The following RBBP7 variants were observed in gnomAD, a reference collection of about 807,000 sequenced individuals.
The protein encoded by RBBP7 is histone-binding protein RBBP7.
A neutral mutation model predicts 35.2 loss-of-function variants in RBBP7; 5 were observed. That is an observed-to-expected ratio of 0.14 (90% CI 0.07 to 0.30). The LOEUF (loss-of-function observed/expected upper bound fraction) is 0.30. RBBP7 is among the 10% of genes least tolerant of loss of function. The probability of loss-of-function intolerance (pLI) is 1.00; values close to 1 mark genes in which losing one functional copy is unlikely to be tolerated. For synonymous variants in RBBP7, 140 were observed against 118.7 expected (o/e 1.18, Z -1.17); for missense variants, 155 against 327.5 (o/e 0.47, Z 4.07).
chrX:16,847,545 G>A (rs1930111062), intron 10 of RBBP7: 1 of 109,423 alleles, frequency 9.1e-6, no homozygotes, highest in Admixed American at 9.8e-5. Context: ...CATACTGGTG[G>A]AATAGTTTAC....
At chrX:16,849,088 A>T in intron 10 of RBBP7, 156 bp downstream of exon 10, 1 of 400,525 alleles carries the variant, frequency 2.5e-6, no homozygotes, top group Non-Finnish European at 4.2e-6. Context: ...TATTTTTGAT[A>T]AATGTCAAAG....
chrX:16,859,714 A>T lies in RBBP7; in HGVS notation c.308-865T>A, dbSNP rs143959921. 6.6e-3 allele frequency among the ~76,000 whole-genome samples: 736 copies of T among 112,015 alleles called. 2 individuals carry two copies. Among genetic ancestry groups the T allele is most frequent in the Non-Finnish European group, 0.011 (565 of 53,230 alleles). ...GACCTATATTGCCTTTTCTTTGCAC[A>T]TTCCATTTTAGCTCACCCTGTGTCT... is the stretch of plus-strand genomic sequence containing the variant. On this transcript the variant is annotated intron_variant, in intron 3 of 11. Transcript: ENST00000380087.
intron 1 of RBBP7, chrX:16,869,606 G>T (rs1413251445): frequency 1.7e-6 from 2 of 1,163,967 alleles, no homozygotes; most frequent in East Asian, 3.3e-5. Flanking sequence ...CATCAGGGGA[G>T]GCCCCAGCTC....
chrX:16,855,111 A>G (rs1930318281), intron 5 of RBBP7, among the ~76,000 whole-genome samples: 1 of 106,650 alleles, frequency 9.4e-6, no homozygotes, highest in African/African-American at 3.4e-5. Context: ...ATGCAAGGGC[A>G]CAATTTTGGC....
At chrX:16,847,316 C>A (rs909040994) in intron 10 of RBBP7, 1 of 108,110 alleles carries the variant, frequency 9.2e-6, no homozygotes, top group Non-Finnish European at 1.9e-5. Flanking sequence ...ACTAAAAATA[C>A]AAAAATTAGC....
intron 9 of RBBP7, among the ~76,000 whole-genome samples, chrX:16,849,771 C>G (rs1437394736): frequency 8.9e-6 from 1 of 112,231 alleles, no homozygotes; most frequent in Non-Finnish European, 1.9e-5. Flanking sequence ...TTAAAAAAAT[C>G]TACACATAAA....
intron 1 of RBBP7, chrX:16,869,812 A>C (rs1356516507): frequency 1.1e-6 from 1 of 909,574 alleles, no homozygotes. Context: ...GGAAGGGAAG[A>C]GGGGGGCCCA....
chrX:16,865,411 T>C (rs1930590772), intron 2 of RBBP7, among the ~76,000 whole-genome samples: 1 of 111,712 alleles, frequency 9.0e-6, no homozygotes, highest in Non-Finnish European at 1.9e-5. Flanking sequence ...AACAGGTAGG[T>C]CAGTTTATCA....
chrX:16,847,032 G>A (rs1930096090), intron 10 of RBBP7: 2 of 111,516 alleles, frequency 1.8e-5, no homozygotes, highest in Non-Finnish European at 3.8e-5. Flanking sequence ...AGGAGGCTGA[G>A]ATGGGAAGAC....
At chrX:16,860,832 C>T (rs963822743) in intron 3 of RBBP7, among the ~76,000 whole-genome samples, 3 of 110,839 alleles carry the variant, frequency 2.7e-5, no homozygotes, top group Non-Finnish European at 3.8e-5. Flanking sequence ...ACTGCAAGCC[C>T]GGTAAATACA....
At chrX:16,859,326 A>G (rs1294548696) in intron 3 of RBBP7, among the ~76,000 whole-genome samples, 1 of 112,148 alleles carries the variant, frequency 8.9e-6, no homozygotes, top group Non-Finnish European at 1.9e-5. Flanking sequence ...TCCTCAAATC[A>G]ATCAGAAACC....
intron 2 of RBBP7, among the ~76,000 whole-genome samples, chrX:16,867,828 G>A (rs1020524782): frequency 4.9e-4 from 53 of 107,485 alleles, no homozygotes; most frequent in Non-Finnish European, 9.6e-4. Context: ...ACAGGTACAC[G>A]CTGCCACGCC....
rs1265778533 is a variant in RBBP7 at position 16,852,096 on chromosome X, A to G, written c.990T>C (p.Thr330=). The change falls in exon 9 of 12, where the codon ACT becomes ACC. Residue 330 remains threonine, a synonymous_variant. Transcript: ENST00000380087. ...GGTCAGTACCACTTGAAGCCAGAAT[A>G]GTTTCATTATGTGGAGACCAGTGGA... The part of the protein sequence containing the change: ...FQVHWSPHNE[T]ILASSGTDRR... 1 of 1,205,884 alleles carries G rather than the reference A, an allele frequency of 8.3e-7. No individual in the cohort carries two copies. The highest frequency in any genetic ancestry group is 1.8e-5 in the South Asian group (1 of 56,777).
intron 2 of RBBP7, among the ~76,000 whole-genome samples, chrX:16,866,014 T>C (rs1930606367): frequency 9.0e-6 from 1 of 111,387 alleles, no homozygotes; most frequent in Non-Finnish European, 1.9e-5. Flanking sequence ...CTGGCAAGGA[T>C]GGGTTAGGAA....
chrX:16,856,463 G>A (rs763169449), intron 5 of RBBP7, among the ~76,000 whole-genome samples: 14 of 110,734 alleles, frequency 1.3e-4, no homozygotes, highest in Non-Finnish European at 2.5e-4. Flanking sequence ...CTGAGAGGTG[G>A]AGGTTGCAGT....
intron 4 of RBBP7, 107 bp from the exon 5 acceptor site, chrX:16,857,816 G>A (rs1322911819): frequency 6.6e-6 from 7 of 1,063,620 alleles, no homozygotes; most frequent in South Asian, 2.3e-5. Context: ...GCACACGAAC[G>A]AGATCTGGTC....
chrX:16,862,761 A>G lies in RBBP7; in HGVS notation c.307+194T>C, dbSNP rs772315009. Among the ~76,000 whole-genome samples the G allele has an allele frequency of 3.6e-5, 4 of 112,048 alleles. No homozygotes were observed. In the South Asian group the frequency reaches 1.5e-3, roughly 41 times the overall value. ...TTCTATGAACCAACATCTGGGTTAC[A>G]AGGTTGATCCTAATTTTTCAATTCT... On this transcript the variant is annotated intron_variant, in intron 3 of 11. Transcript: ENST00000380087.
intron 3 of RBBP7, 141 bp downstream of exon 3, chrX:16,862,814 A>G: frequency 1.6e-6 from 1 of 635,609 alleles, no homozygotes; most frequent in African/African-American, 2.2e-5. Flanking sequence ...CCTTGTGCAC[A>G]TGTGGGTGGG....
chrX:16,853,239 T>C (rs757637898), intron 6 of RBBP7: 38 of 196,111 alleles, frequency 1.9e-4, no homozygotes, highest in Non-Finnish European at 3.3e-4. Flanking sequence ...TATAAGATTA[T>C]AAGTGAATGA....
Sources: gnomAD v4.1 joint callset for allele counts (sites outside exome capture counted in the v4.1 genomes callset) on GRCh38, gnomAD v4.1.1 for gene constraint, MANE v1.5 for transcripts, NCBI Gene and HGNC (gene_info 2026-07-23, HGNC 2026-07-21) for gene names.